The following CA6 variants were observed in gnomAD, a reference collection of about 807,000 sequenced individuals.
CA6 encodes the protein carbonic anhydrase 6.
In CA6, 28 loss-of-function variants were observed where a neutral mutation model predicts 35.9. That is an observed-to-expected ratio of 0.78 (90% CI 0.58 to 1.07). The LOEUF is 1.07. CA6 is among the 50% of genes least tolerant of loss of function. The probability of loss-of-function intolerance (pLI) is 0.00; values close to 1 mark genes in which losing one functional copy is unlikely to be tolerated. For synonymous variants in CA6, 148 were observed against 152.6 expected, an observed-to-expected ratio of 0.97 and a Z score of 0.22; for missense variants, 377 against 382.0, an observed-to-expected ratio of 0.99 and a Z score of 0.11.
At chr1:8,974,582 A>T in intron 7 of CA6, 40 bp from the exon 8 acceptor site, 3 of 1,493,218 alleles carry the variant, frequency 2.0e-6, no homozygotes, top group Non-Finnish European at 2.8e-6. Flanking sequence ...TGAGGACTGT[A>T]CAAGGTTTAA....
intron 2 of CA6, among the ~76,000 whole-genome samples, chr1:8,955,570 G>A (rs1639652569): frequency 7.3e-6 from 1 of 137,006 alleles, no homozygotes; most frequent in South Asian, 2.2e-4. Context: ...CTCTGCTCGG[G>A]TCCTCAGCTC....
intron 2 of CA6, among the ~76,000 whole-genome samples, chr1:8,954,547 A>T (rs1251088260): frequency 6.6e-6 from 1 of 151,822 alleles, no homozygotes; most frequent in Non-Finnish European, 1.5e-5. Flanking sequence ...AGATCCAAGA[A>T]CCCTCTCTTG....
intron 2 of CA6, among the ~76,000 whole-genome samples, chr1:8,955,642 C>CGCCTCCTTTTAAGGCCCTTCCAT (rs1639658227): frequency 6.6e-6 from 1 of 150,596 alleles, no homozygotes; most frequent in African/African-American, 2.5e-5. Flanking sequence ...GGCCCTTCCA[C>CGCCTCCTTTTAAGGCCCTTCCAT]GCCTCCTTTT....
chr1:8,959,935 A>AAAAAAAAAAAG (rs1639793296), intron 4 of CA6, among the ~76,000 whole-genome samples: 1 of 148,936 alleles, frequency 6.7e-6, no homozygotes, highest in African/African-American at 2.5e-5. Flanking sequence ...CTATCTCAAA[A>AAAAAAAAAAAG]AAAAAAAAAA....
intron 2 of CA6, among the ~76,000 whole-genome samples, chr1:8,955,985 G>A (rs369303627): frequency 2.2e-4 from 34 of 152,350 alleles, no homozygotes; most frequent in African/African-American, 8.2e-4. Context: ...CACTCTGGGA[G>A]GCTGAGGAGG....
chr1:8,952,044 TC>T (rs1265266946), intron 2 of CA6: 1 of 153,218 alleles, frequency 6.5e-6, no homozygotes, highest in Non-Finnish European at 1.5e-5. Context: ...GGTCTCGAAC[TC>T]CTTGCCTCAA....
intron 4 of CA6, among the ~76,000 whole-genome samples, chr1:8,961,346 A>C (rs1038050964): frequency 6.6e-6 from 1 of 152,226 alleles, no homozygotes; most frequent in African/African-American, 2.4e-5. Context: ...AAAAACCATC[A>C]AGATTATTTA....
intron 5 of CA6, among the ~76,000 whole-genome samples, chr1:8,965,089 C>G (rs1639935809): frequency 6.6e-6 from 1 of 151,858 alleles, no homozygotes; most frequent in African/African-American, 2.4e-5. Flanking sequence ...ACTAAAAATA[C>G]AAAAATTAGC....
rs116002087 is a variant in CA6 at position 8,970,339 on chromosome 1, G to T, written c.730-528G>T. 2.7e-3 allele frequency among the ~76,000 whole-genome samples: 414 copies of T among 151,850 alleles called. 2 individuals are homozygous for T. The highest frequency in any genetic ancestry group is 9.5e-3 in the African/African-American group (394 of 41,380). ...TGGACAAATACTCATATAAAAAGCT[G>T]AAAAGAGAGCTTGTGTGCAGATACC... is the stretch of plus-strand genomic sequence containing the variant. On this transcript the variant is annotated intron_variant, in intron 6 of 7. Transcript: ENST00000377443.
rs561811626 is a variant in CA6, at chr1:8,955,673, T to C, written c.260-1464T>C. ...CTTTTAAGGCCCTTCCGTCCTTTTCTTGCAAGCATTGATTTTTGAGGCCAG... is the reference window on the plus strand; with the variant it reads ...CTTTTAAGGCCCTTCCGTCCTTTTCCTGCAAGCATTGATTTTTGAGGCCAG... On this transcript the variant is annotated intron_variant, in intron 2 of 7. Coordinates refer to ENST00000377443, the MANE Select transcript of CA6 (RefSeq NM_001215.4). 2.6e-5 allele frequency among the ~76,000 whole-genome samples: 4 copies of C among 152,344 alleles called. No homozygotes were observed. In the South Asian group the frequency reaches 8.3e-4, roughly 32 times the overall value.
At chr1:8,950,757 A>G (rs1639509043) in intron 2 of CA6, among the ~76,000 whole-genome samples, 1 of 151,148 alleles carries the variant, frequency 6.6e-6, no homozygotes, top group Admixed American at 6.6e-5. Context: ...AGTCCCAGCT[A>G]CTCGGGAGGC....
intron 2 of CA6, among the ~76,000 whole-genome samples, chr1:8,950,794 G>A (rs1314638120): frequency 6.6e-6 from 1 of 151,846 alleles, no homozygotes; most frequent in African/African-American, 2.4e-5. Context: ...CTTGAGCCTG[G>A]GAGGTCAAGG....
chr1:8,967,827 G>A lies in CA6; in HGVS notation c.729+11G>A. The A allele has an allele frequency of 6.2e-7, 1 of 1,612,396 alleles. No individual in the cohort carries two copies. The highest frequency in any genetic ancestry group is 1.7e-5 in the Admixed American group (1 of 59,640). On this transcript the variant is annotated intron_variant, in intron 6 of 7. Coordinates refer to ENST00000377443, the MANE Select transcript of CA6 (RefSeq NM_001215.4). ...CTCTCCAGGACACAGGTAATGTATG[G>A]TATCACTTTGCCGAAGTCTTCCCAT... is the stretch of plus-strand genomic sequence containing the variant.
rs751818142 is a variant in CA6, at chr1:8,962,736, G to GGATT, written c.571+84_571+87dup. 1,711 of 1,244,314 alleles carry GGATT rather than the reference G, an allele frequency of 1.4e-3. 3 individuals are homozygous for GGATT. Among genetic ancestry groups the GGATT allele is most frequent in the Non-Finnish European group, 1.8e-3 (1,530 of 849,300 alleles). 77.1% of individuals were successfully genotyped at this position (1,244,314 alleles called of 1,614,324 possible). The stretch of plus-strand genomic sequence containing the variant: ...GTGTGAGGTGGGCCCAGGGGGCAGG[G>GGATT]GATTGATGCTGGTGGGGAGGGTGGC... On this transcript the variant is annotated intron_variant, in intron 5 of 7. Coordinates refer to ENST00000377443, the MANE Select transcript of CA6 (RefSeq NM_001215.4).
chr1:8,946,041 T>G (rs1164177696), intron 1 of CA6, 76 bp downstream of exon 1: 1 of 855,678 alleles, frequency 1.2e-6, no homozygotes, highest in African/African-American at 1.8e-5. Flanking sequence ...TTCTTCTTCT[T>G]CTTTTTTTTT....
chr1:8,972,332 C>T (rs948397365), intron 7 of CA6, among the ~76,000 whole-genome samples: 3 of 152,032 alleles, frequency 2.0e-5, no homozygotes, highest in Non-Finnish European at 4.4e-5. Context: ...ATTATAAGCA[C>T]GAGCCACCTC....
intron 7 of CA6, among the ~76,000 whole-genome samples, chr1:8,973,579 C>A (rs966406386): frequency 3.9e-5 from 6 of 152,124 alleles, no homozygotes; most frequent in Admixed American, 2.0e-4. Flanking sequence ...TACTTCAACT[C>A]CCAGTTCAGC....
At chr1:8,970,046 A>C (rs1640067263) in intron 6 of CA6, among the ~76,000 whole-genome samples, 1 of 151,970 alleles carries the variant, frequency 6.6e-6, no homozygotes, top group South Asian at 2.1e-4. Context: ...TCTACTAAAA[A>C]TATAAAAATT....
intron 5 of CA6, among the ~76,000 whole-genome samples, chr1:8,966,806 G>A (rs1639979488): frequency 6.6e-6 from 1 of 152,128 alleles, no homozygotes; most frequent in South Asian, 2.1e-4. Context: ...CCTCTCTAGA[G>A]CAGGAGCAGG....
Sources: allele counts gnomAD v4.1 joint callset (sites outside exome capture counted in the v4.1 genomes callset), GRCh38; gene constraint gnomAD v4.1.1; transcripts MANE v1.5; gene names NCBI Gene and HGNC (gene_info 2026-07-23, HGNC 2026-07-21).